ALMS1: variants seen among roughly 807,000 people sequenced by gnomAD.
The protein encoded by ALMS1 is ALMS1 centrosome and basal body associated protein.
ALMS1 carries 271 observed loss-of-function variants against 352.2 expected under a neutral mutation model. The ratio of observed to expected loss-of-function variants is 0.77; its 90% CI spans 0.70 to 0.85. ALMS1 has a LOEUF of 0.85. Among genes scored for constraint, ALMS1 ranks in the 40% least tolerant of loss-of-function variants. ALMS1 has a pLI of 0.00. For synonymous variants in ALMS1, 1,865 were observed against 1,761.2 expected (o/e 1.06, Z -1.48); for missense variants, 5,445 against 4,870.7 (o/e 1.12, Z -3.51).
At chr2:73,423,803 A>G (rs1280831571) in intron 4 of ALMS1, among the ~76,000 whole-genome samples, 2 of 150,756 alleles carry the variant, frequency 1.3e-5, no homozygotes, top group Admixed American at 6.6e-5. Flanking sequence ...CTTTAGATGG[A>G]GTCTTGCTCT....
intron 10 of ALMS1, among the ~76,000 whole-genome samples, chr2:73,514,946 T>C (rs1673526021): frequency 6.6e-6 from 1 of 152,186 alleles, no homozygotes; most frequent in South Asian, 2.1e-4. Flanking sequence ...AGTATTACTT[T>C]GTGTTCACTG....
chr2:73,401,502 T>C (rs1670870924), intron 1 of ALMS1, among the ~76,000 whole-genome samples: 1 of 152,212 alleles, frequency 6.6e-6, no homozygotes, highest in Non-Finnish European at 1.5e-5. Flanking sequence ...AGAAATACAC[T>C]GTTTAACCTC....
At chr2:73,566,166 T>C (rs781115832) in intron 15 of ALMS1, among the ~76,000 whole-genome samples, 2 of 152,182 alleles carry the variant, frequency 1.3e-5, no homozygotes, top group Admixed American at 6.6e-5. Flanking sequence ...AAGTTTATTT[T>C]AAAAAATTAA....
chr2:73,551,406 T>A (rs987011545), intron 13 of ALMS1, among the ~76,000 whole-genome samples: 2 of 145,696 alleles, frequency 1.4e-5, no homozygotes, highest in Non-Finnish European at 3.0e-5. Context: ...CTGATCACTG[T>A]GGGTATTTGA....
intron 1 of ALMS1, among the ~76,000 whole-genome samples, chr2:73,398,891 T>C: frequency 6.6e-6 from 1 of 152,184 alleles, no homozygotes; most frequent in East Asian, 1.9e-4. Context: ...TCACCCGGGC[T>C]GGAGTGCAGT....
chr2:73,591,767 T>A (rs551399844), intron 16 of ALMS1, among the ~76,000 whole-genome samples: 50 of 152,284 alleles, frequency 3.3e-4, no homozygotes, highest in African/African-American at 1.1e-3. Flanking sequence ...TTTGGGAGAA[T>A]GCAAAGAATA....
intron 9 of ALMS1, among the ~76,000 whole-genome samples, chr2:73,488,252 C>T (rs924500240): frequency 6.6e-6 from 1 of 152,234 alleles, no homozygotes; most frequent in Admixed American, 6.5e-5. Context: ...CCTGCAACCT[C>T]CCTCCTGTGC....
At chr2:73,541,524 G>A (rs1000734890) in intron 12 of ALMS1, among the ~76,000 whole-genome samples, 11 of 152,160 alleles carry the variant, frequency 7.2e-5, no homozygotes, top group African/African-American at 2.2e-4. Context: ...ACTAAGAGCA[G>A]AACTGAAGGA....
chr2:73,471,447 G>A (rs1218752505), intron 9 of ALMS1, among the ~76,000 whole-genome samples: 1 of 138,008 alleles, frequency 7.2e-6, no homozygotes, highest in African/African-American at 2.9e-5. Flanking sequence ...TATCTAATGA[G>A]GGGTTAATAT....
intron 9 of ALMS1, among the ~76,000 whole-genome samples, chr2:73,464,995 A>C (rs1232961803): frequency 6.7e-6 from 1 of 149,672 alleles, no homozygotes; most frequent in African/African-American, 2.6e-5. Flanking sequence ...AGGAAGAATC[A>C]ATATCGTGAA....
At chr2:73,510,660 G>C (rs1673430751) in intron 10 of ALMS1, among the ~76,000 whole-genome samples, 3 of 152,160 alleles carry the variant, frequency 2.0e-5, no homozygotes, top group African/African-American at 7.2e-5. Flanking sequence ...ACCCCTGCTG[G>C]TAGGTGTCTC....
Position 73,491,483 on chromosome 2 carries a change from C to T in ALMS1, c.9524C>T (p.Pro3175Leu), listed in dbSNP as rs768943180. 6.8e-6 allele frequency: 11 copies of T among 1,613,810 alleles called. No individual in the cohort carries two copies. The South Asian group carries it at 7.7e-5, about 11-fold the overall frequency. Residue 3175 changes from proline (P) to leucine (L), a missense_variant, in exon 10 of 23, where the codon CCA (proline) becomes CTA (leucine). Physicochemically the swap from Pro to Leu is moderately conservative, Grantham distance 98. Coordinates refer to ENST00000613296, the MANE Select transcript of ALMS1 (RefSeq NM_001378454.1). ...GGACATTCCAATCCAGAGGGGACCC[C>T]AGTATTTGCAGATCGGTGAGTCTCA... is the stretch of plus-strand genomic sequence containing the variant. Reference protein sequence around the residue: ...FEGHSNPEGTPVFADRLPEKM... With the variant: ...FEGHSNPEGTLVFADRLPEKM...
chr2:73,415,861 G>A (rs982113413), intron 2 of ALMS1, among the ~76,000 whole-genome samples: 17 of 152,128 alleles, frequency 1.1e-4, no homozygotes, highest in African/African-American at 4.1e-4. Flanking sequence ...GTGATTATAA[G>A]GATGGCTCTG....
Position 73,585,742 on chromosome 2 carries a change from C to T in ALMS1, c.11547+12318C>T, listed in dbSNP as rs1479582060. Among the ~76,000 whole-genome samples, 146 of 47,058 alleles carry T rather than the reference C, an allele frequency of 3.1e-3. 4 individuals are homozygous for T. Among genetic ancestry groups the T allele is most frequent in the African/African-American group, 0.018 (105 of 5,910 alleles). The allele number at this position is 47,058 out of a possible 152,430, so 30.9% of individuals were successfully genotyped here. A position where few individuals can be genotyped will look rare whatever the true frequency, so the allele number is the denominator to read the frequency against. On this transcript the variant is annotated intron_variant, in intron 16 of 22. Coordinates refer to ENST00000613296, the MANE Select transcript of ALMS1 (RefSeq NM_001378454.1). ...CTTCTTGGCCTTTTTTTTTTTTTTT[C>T]CCCGAGACGGAGTCTCGCTCTTGTT...
intron 9 of ALMS1, chr2:73,470,442 G>A (rs746317339): frequency 3.3e-5 from 5 of 151,698 alleles, no homozygotes; most frequent in Admixed American, 3.3e-4. Context: ...GTTGTTTTAA[G>A]AGTGTGTTGT....
At chr2:73,571,394 A>T (rs1395360761) in intron 15 of ALMS1, among the ~76,000 whole-genome samples, 1 of 152,176 alleles carries the variant, frequency 6.6e-6, no homozygotes, top group Admixed American at 6.5e-5. Context: ...CAGATCTAAG[A>T]TCAAGGCACC....
chr2:73,537,107 C>T (rs1300820131), intron 12 of ALMS1, among the ~76,000 whole-genome samples: 1 of 152,092 alleles, frequency 6.6e-6, no homozygotes, highest in Non-Finnish European at 1.5e-5. Flanking sequence ...TGACTGGGAG[C>T]CATCCAGTGC....
At chr2:73,528,593 A>G (rs1673844816) in intron 11 of ALMS1, among the ~76,000 whole-genome samples, 1 of 150,456 alleles carries the variant, frequency 6.6e-6, no homozygotes. Flanking sequence ...CCATCCTGTT[A>G]TTTTTAGTCT....
intron 1 of ALMS1, among the ~76,000 whole-genome samples, chr2:73,390,723 T>C (rs900408601): frequency 6.6e-6 from 1 of 152,216 alleles, no homozygotes; most frequent in South Asian, 2.1e-4. Flanking sequence ...CTAGAAATTC[T>C]TGGTCTCCAA....
Sources: allele counts gnomAD v4.1 joint callset (sites outside exome capture counted in the v4.1 genomes callset), GRCh38; gene constraint gnomAD v4.1.1; transcripts MANE v1.5; gene names NCBI Gene and HGNC (gene_info 2026-07-23, HGNC 2026-07-21).